The following DOK6 variants were observed in gnomAD, a reference collection of about 807,000 sequenced individuals.
DOK6 encodes docking protein 6, also known as downstream of tyrosine kinase 6.
A neutral mutation model predicts 44.0 loss-of-function variants in DOK6; 22 were observed. That is an observed-to-expected ratio of 0.50 (90% CI 0.36 to 0.71). DOK6 has a LOEUF of 0.71. Ranked by LOEUF, DOK6 falls within the 30% of genes least tolerant of loss-of-function variation. The pLI is 0.00. For synonymous variants in DOK6, 166 were observed against 145.5 expected, an observed-to-expected ratio of 1.14 and a Z score of -1.01; for missense variants, 340 against 416.4, an observed-to-expected ratio of 0.82 and a Z score of 1.60.
intron 1 of DOK6, among the ~76,000 whole-genome samples, chr18:69,521,972 A>C (rs1981699603): frequency 6.6e-6 from 1 of 152,020 alleles, no homozygotes; most frequent in Non-Finnish European, 1.5e-5. Flanking sequence ...CAAACTGTTT[A>C]GATTAATGTC....
intron 2 of DOK6, among the ~76,000 whole-genome samples, chr18:69,581,173 C>T (rs930948583): frequency 3.3e-5 from 5 of 152,274 alleles, no homozygotes; most frequent in African/African-American, 1.2e-4. Flanking sequence ...TTAAGGCATG[C>T]ATAGCAGGGG....
intron 7 of DOK6, among the ~76,000 whole-genome samples, chr18:69,811,251 A>G (rs557321336): frequency 6.6e-6 from 1 of 151,908 alleles, no homozygotes; most frequent in Non-Finnish European, 1.5e-5. Context: ...TGGAATCTTA[A>G]AAAGTTGAAC....
At chr18:69,735,564 A>G (rs988414263) in intron 5 of DOK6, among the ~76,000 whole-genome samples, 1 of 152,240 alleles carries the variant, frequency 6.6e-6, no homozygotes, top group African/African-American at 2.4e-5. Flanking sequence ...GTGACAACAC[A>G]TGCAGTGCCA....
chr18:69,514,016 A>G (rs998536922), intron 1 of DOK6, among the ~76,000 whole-genome samples: 2 of 152,212 alleles, frequency 1.3e-5, no homozygotes, highest in Non-Finnish European at 2.9e-5. Context: ...TATTGATTTT[A>G]TATTTTAAAA....
chr18:69,534,620 A>G (rs933503281), intron 1 of DOK6, among the ~76,000 whole-genome samples: 1 of 151,956 alleles, frequency 6.6e-6, no homozygotes, highest in Non-Finnish European at 1.5e-5. Context: ...CAGTATTCTC[A>G]GTGGTCCCTC....
intron 1 of DOK6, among the ~76,000 whole-genome samples, chr18:69,536,246 G>A (rs1470222780): frequency 2.0e-5 from 3 of 152,146 alleles, no homozygotes; most frequent in South Asian, 2.1e-4. Flanking sequence ...AATTACCTCA[G>A]AAATGCAGAA....
chr18:69,566,083 G>A (rs1482628930), intron 2 of DOK6, among the ~76,000 whole-genome samples: 1 of 152,040 alleles, frequency 6.6e-6, no homozygotes, highest in Non-Finnish European at 1.5e-5. Context: ...ACATATACTA[G>A]TTGGAGCTCT....
At chr18:69,694,450 A>G (rs979232449) in intron 4 of DOK6, among the ~76,000 whole-genome samples, 2 of 148,602 alleles carry the variant, frequency 1.3e-5, no homozygotes, top group African/African-American at 4.9e-5. Flanking sequence ...AAAATTATAC[A>G]CTTTATTATA....
intron 7 of DOK6, among the ~76,000 whole-genome samples, chr18:69,792,701 C>T: frequency 6.6e-6 from 1 of 151,938 alleles, no homozygotes; most frequent in Non-Finnish European, 1.5e-5. Context: ...ATTGCTCTAA[C>T]TAGGTGCATT....
rs756884418 is a variant in DOK6 at position 69,677,789 on chromosome 18, G to A, written c.345G>A (p.Arg115=). 1 of 1,613,840 alleles carries A rather than the reference G, an allele frequency of 6.2e-7. No homozygotes were observed. Among genetic ancestry groups the A allele is most frequent in the East Asian group, 2.2e-5 (1 of 44,868 alleles). The change falls in exon 4 of 8, where the codon AGG becomes AGA. Residue 115 remains arginine (R), a synonymous_variant. Transcript: ENST00000382713. ...TCTGCATGGAGTGTCTGGGGACCAG[G>A]CTCAATGATATCAGCCTTGGGGAGC... ...KHLCMECLGT[R]LNDISLGEPD...
At chr18:69,598,643 T>C (rs1983802272) in intron 2 of DOK6, among the ~76,000 whole-genome samples, 1 of 152,096 alleles carries the variant, frequency 6.6e-6, no homozygotes, top group African/African-American at 2.4e-5. Flanking sequence ...GTTTGCAGAG[T>C]TGTTGAGGAA....
chr18:69,649,056 G>A (rs1486520018), intron 3 of DOK6, among the ~76,000 whole-genome samples: 2 of 152,146 alleles, frequency 1.3e-5, no homozygotes, highest in Admixed American at 6.6e-5. Context: ...GCAAAGAAGT[G>A]TTCTTGACTT....
chr18:69,734,244 A>T (rs911713226), intron 5 of DOK6, among the ~76,000 whole-genome samples: 1 of 151,800 alleles, frequency 6.6e-6, no homozygotes, highest in African/African-American at 2.4e-5. Context: ...ATGTTTAACT[A>T]TTATATGAAC....
intron 1 of DOK6, among the ~76,000 whole-genome samples, chr18:69,464,405 A>C (rs1979871207): frequency 6.6e-6 from 1 of 152,204 alleles, no homozygotes; most frequent in East Asian, 1.9e-4. Flanking sequence ...GCAGTGGCCT[A>C]TTCCGAATGT....
chr18:69,816,730 C>A (rs531014654), intron 7 of DOK6, among the ~76,000 whole-genome samples: 1 of 152,316 alleles, frequency 6.6e-6, no homozygotes, highest in South Asian at 2.1e-4. Context: ...ACATGGGAAC[C>A]CTGTACTCTA....
At chr18:69,739,765 A>G (rs1031911310) in intron 6 of DOK6, among the ~76,000 whole-genome samples, 1 of 152,206 alleles carries the variant, frequency 6.6e-6, no homozygotes, top group Non-Finnish European at 1.5e-5. Flanking sequence ...ACTATTGATT[A>G]TGATCTTAAG....
intron 3 of DOK6, among the ~76,000 whole-genome samples, chr18:69,639,761 G>A (rs909692094): frequency 6.6e-6 from 1 of 152,142 alleles, no homozygotes; most frequent in African/African-American, 2.4e-5. Context: ...GAAAGAAAGA[G>A]AAAGGAGAGA....
At chr18:69,404,667 A>C (rs898380452) in intron 1 of DOK6, among the ~76,000 whole-genome samples, 1 of 152,156 alleles carries the variant, frequency 6.6e-6, no homozygotes, top group Admixed American at 6.5e-5. Context: ...CTATTCACAG[A>C]CACATTGTAT....
chr18:69,805,114 A>G (rs1220586865), intron 7 of DOK6, among the ~76,000 whole-genome samples: 1 of 152,202 alleles, frequency 6.6e-6, no homozygotes, highest in Non-Finnish European at 1.5e-5. Context: ...CCACTCACTT[A>G]GTGATTAGTA....
Sources: gnomAD v4.1 joint callset for allele counts (sites outside exome capture counted in the v4.1 genomes callset) on GRCh38, gnomAD v4.1.1 for gene constraint, MANE v1.5 for transcripts, NCBI Gene and HGNC (gene_info 2026-07-23, HGNC 2026-07-21) for gene names.